Variants in DYNC2I1 observed in about 807,000 individuals in gnomAD.
The protein encoded by DYNC2I1 is dynein 2 intermediate chain 1.
A neutral mutation model predicts 133.4 loss-of-function variants in DYNC2I1; 89 were observed. That is an observed-to-expected ratio of 0.67 (90% CI 0.56 to 0.80). DYNC2I1 has a LOEUF of 0.80. Ranked by LOEUF, DYNC2I1 falls within the 30% of genes least tolerant of loss-of-function variation. DYNC2I1 has a pLI of 0.00. For synonymous variants in DYNC2I1, 504 were observed against 484.3 expected, an observed-to-expected ratio of 1.04 and a Z score of -0.54; for missense variants, 1,291 against 1,314.5, an observed-to-expected ratio of 0.98 and a Z score of 0.28.
At chr7:158,956,799 G>C (rs1431132347), downstream of DYNC2I1, 1 of 152,348 alleles carries the variant, frequency 6.6e-6, no homozygotes, top group Non-Finnish European at 1.5e-5. Context: ...ACACAGATAG[G>C]AAGTTTTAGG....
downstream of DYNC2I1, among the ~76,000 whole-genome samples, chr7:158,958,214 T>C (rs1025812237): frequency 2.0e-5 from 3 of 152,198 alleles, no homozygotes; most frequent in African/African-American, 4.8e-5. Flanking sequence ...TTTTCGTTGG[T>C]GTTGCTTATG....
intron 4 of DYNC2I1, among the ~76,000 whole-genome samples, chr7:158,956,256 A>G (rs1224801500): frequency 6.6e-6 from 1 of 152,224 alleles, no homozygotes; most frequent in Non-Finnish European, 1.5e-5. Context: ...TGCCCCGTGC[A>G]GAATACGTGT....
chr7:158,952,423 T>C lies in DYNC2I1; in HGVS notation c.*57-4160T>C, dbSNP rs115850899. On this transcript the variant is annotated intron_variant and NMD_transcript_variant, in intron 4 of 4. Coordinates refer to the DYNC2I1 transcript ENST00000454771. Reference sequence around the variant, plus strand: ...CCATGGCTAAGGGGGTGCAAGAAGCTTCCTAGGTCTGGGTTAGAGAAGGCC... The same window carrying C: ...CCATGGCTAAGGGGGTGCAAGAAGCCTCCTAGGTCTGGGTTAGAGAAGGCC... Among the ~76,000 whole-genome samples, 1,035 of 152,288 alleles carry C rather than the reference T, an allele frequency of 6.8e-3. 9 individuals carry two copies. The highest frequency in any genetic ancestry group is 0.024 in the African/African-American group (987 of 41,556).
At chr7:158,872,948 G>A (rs1274333118) in intron 3 of DYNC2I1, among the ~76,000 whole-genome samples, 1 of 151,352 alleles carries the variant, frequency 6.6e-6, no homozygotes, top group Non-Finnish European at 1.5e-5. Context: ...CTGAGATCAC[G>A]CCACTACACT....
At chr7:158,894,507 G>T (rs1040469252) in intron 8 of DYNC2I1, among the ~76,000 whole-genome samples, 3 of 152,308 alleles carry the variant, frequency 2.0e-5, no homozygotes, top group Admixed American at 2.0e-4. Flanking sequence ...GTCCCCCTGT[G>T]TCTCTTCAAG....
intron 13 of DYNC2I1, among the ~76,000 whole-genome samples, chr7:158,913,311 G>A (rs750653043): frequency 9.9e-5 from 15 of 152,156 alleles, no homozygotes; most frequent in African/African-American, 3.4e-4. Flanking sequence ...ACCTGCTCTC[G>A]AGGCCCAGTC....
At chr7:158,846,395 T>C in the DYNC2I1 span, among the ~76,000 whole-genome samples, 1 of 152,222 alleles carries the variant, frequency 6.6e-6, no homozygotes, top group Non-Finnish European at 1.5e-5. Context: ...GAGAATCTTA[T>C]ATGGTGAATT....
intron 1 of DYNC2I1, among the ~76,000 whole-genome samples, chr7:158,859,702 C>T (rs1457586017): frequency 2.6e-5 from 4 of 152,126 alleles, no homozygotes; most frequent in South Asian, 4.1e-4. Context: ...GGGATTTCAT[C>T]GTGTTGTCCA....
rs1207465547 is a variant in DYNC2I1 at position 158,942,082 on chromosome 7, T to C, written c.2936T>C (p.Ile979Thr). The change falls in exon 24 of 25, where the codon ATC (isoleucine) becomes ACC (threonine). Residue 979 changes from isoleucine to threonine, a missense_variant. Physicochemically the swap from Ile to Thr is moderately conservative, Grantham distance 89. Transcript: ENST00000407559. ...CTGGTGCAGGACGACACATCCAACA[T>C]CTACATCTGGGACCTCCTCCAGAGC... ...VFLVQDDTSNIYIWDLLQSDL... is the reference protein window; with the variant it reads ...VFLVQDDTSNTYIWDLLQSDL... The C allele has an allele frequency of 6.2e-7, 1 of 1,609,932 alleles. No homozygotes were observed.
intron 3 of DYNC2I1, among the ~76,000 whole-genome samples, chr7:158,875,616 G>T (rs1042529156): frequency 6.6e-6 from 1 of 152,072 alleles, no homozygotes. Context: ...GGTCATACTG[G>T]GCCTTGGTGC....
chr7:158,870,852 A>C (rs1368010973), intron 2 of DYNC2I1, among the ~76,000 whole-genome samples: 3 of 152,050 alleles, frequency 2.0e-5, no homozygotes, highest in African/African-American at 7.2e-5. Context: ...TCACCCTCTA[A>C]TACACGTAGT....
intron 5 of DYNC2I1, 46 bp from the exon 6 acceptor site, chr7:158,884,518 C>T: frequency 6.4e-7 from 1 of 1,570,178 alleles, no homozygotes; most frequent in South Asian, 1.2e-5. Flanking sequence ...TTACTTCATT[C>T]CGATATGCTA....
chr7:158,917,499 T>C (rs1269827104), intron 14 of DYNC2I1, among the ~76,000 whole-genome samples: 3 of 103,130 alleles, frequency 2.9e-5, no homozygotes, highest in African/African-American at 4.4e-5. Flanking sequence ...ACACCTCCTG[T>C]CCTCCACACT....
intron 4 of DYNC2I1, among the ~76,000 whole-genome samples, chr7:158,953,521 G>A (rs1852115713): frequency 6.6e-6 from 1 of 152,220 alleles, no homozygotes; most frequent in African/African-American, 2.4e-5. Context: ...GGGAGGCCAA[G>A]ACAGAGGGTT....
chr7:158,928,377 G>A (rs962154603), intron 20 of DYNC2I1, among the ~76,000 whole-genome samples: 1 of 151,404 alleles, frequency 6.6e-6, no homozygotes, highest in Non-Finnish European at 1.5e-5. Context: ...ATGTAGATCT[G>A]GCAAAAAATA....
chr7:158,923,817 T>C, intron 17 of DYNC2I1, 84 bp downstream of exon 17: 1 of 1,522,094 alleles, frequency 6.6e-7, no homozygotes. Flanking sequence ...GGATTTGCAT[T>C]TATTTATTCA....
At chr7:158,863,666 GT>G (rs1842101164) in intron 1 of DYNC2I1, among the ~76,000 whole-genome samples, 1 of 90,004 alleles carries the variant, frequency 1.1e-5, no homozygotes, top group Non-Finnish European at 2.3e-5. Context: ...CTGGGGGGGG[GT>G]GTGGGGAGAG....
At chr7:158,882,958 A>AT (rs1303612716) in intron 5 of DYNC2I1, among the ~76,000 whole-genome samples, 2 of 151,802 alleles carry the variant, frequency 1.3e-5, no homozygotes, top group African/African-American at 4.8e-5. Flanking sequence ...ATAATTAAAG[A>AT]TTTTTTCCTT....
chr7:158,863,364 A>T (rs1248021276), intron 1 of DYNC2I1, among the ~76,000 whole-genome samples: 1 of 152,010 alleles, frequency 6.6e-6, no homozygotes, highest in Non-Finnish European at 1.5e-5. Context: ...ACAGTCCTTT[A>T]GCTGGACAGA....
Sources: gnomAD v4.1 joint callset for allele counts (sites outside exome capture counted in the v4.1 genomes callset) on GRCh38, gnomAD v4.1.1 for gene constraint, MANE v1.5 for transcripts, NCBI Gene and HGNC (gene_info 2026-07-23, HGNC 2026-07-21) for gene names.